WDR17: variants seen among roughly 807,000 people sequenced by gnomAD.
The protein encoded by WDR17 is WD repeat domain 17, also known as WD repeat-containing protein 17.
A neutral mutation model predicts 161.7 loss-of-function variants in WDR17; 143 were observed. The observed-to-expected ratio is 0.88, with a 90% CI of 0.77 to 1.02. The LOEUF is 1.02. Among genes scored for constraint, WDR17 ranks in the 50% least tolerant of loss-of-function variants. The pLI is 0.00. For missense variants in WDR17, 1,469 were observed against 1,520.9 expected (o/e 0.97, Z 0.57); for synonymous variants, 517 against 515.6 (o/e 1.00, Z -0.04).
chr4:176,081,696 A>G lies in WDR17; in HGVS notation c.-7+15617A>G, dbSNP rs543273254. On this transcript the variant is annotated intron_variant, in intron 1 of 28. Coordinates refer to ENST00000508596, the MANE Select transcript of WDR17 (RefSeq NM_181265.4). Reference sequence around the variant, plus strand: ...TTCTTGGCCTTTCCTTCGGGGATGCAAGACAGCTGCTGCAGCGACAGCATC... The same window carrying G: ...TTCTTGGCCTTTCCTTCGGGGATGCGAGACAGCTGCTGCAGCGACAGCATC... 2.0e-5 allele frequency among the ~76,000 whole-genome samples: 3 copies of G among 152,246 alleles called. No homozygotes were observed. The Middle Eastern group carries it at 0.01, about 518-fold the overall frequency.
intron 1 of WDR17, among the ~76,000 whole-genome samples, chr4:176,099,954 T>G (rs1418548951): frequency 6.6e-6 from 1 of 152,210 alleles, no homozygotes; most frequent in Non-Finnish European, 1.5e-5. Context: ...ACTGTGTATA[T>G]ATACCACATT....
rs1740536893 is a variant in WDR17, at chr4:176,115,857, T to C, written c.185T>C (p.Ile62Thr). ...ATTATGTCTGAACATAAAAAAACAA[T>C]CACAGCAATTTCTTGGTGTCCACAT... ...HAIMSEHKKT[I>T]TAISWCPHNP... The change falls in exon 3 of 29, where the codon ATC becomes ACC. Residue 62 changes from isoleucine (I) to threonine (T), a missense_variant. By Grantham distance (89) the Ile-to-Thr change is moderately conservative. Transcript: ENST00000508596. 2 of 1,611,624 alleles carry C rather than the reference T, an allele frequency of 1.2e-6. No individual in the cohort carries two copies. Among genetic ancestry groups the C allele is most frequent in the Non-Finnish European group, 1.7e-6 (2 of 1,178,464 alleles).
rs570241108 is a variant in WDR17, at chr4:176,140,776, C to A, written c.1442+802C>A. 2.0e-5 allele frequency among the ~76,000 whole-genome samples: 3 copies of A among 151,808 alleles called. No homozygotes were observed. In the East Asian group the frequency reaches 5.8e-4, roughly 29 times the overall value. On this transcript the variant is annotated intron_variant, in intron 10 of 28. Coordinates refer to ENST00000508596, the MANE Select transcript of WDR17 (RefSeq NM_181265.4). ...AGTTATGGAAACCAAAGATCCTTAC[C>A]GGGAAGTTAAAATTTTCAGAAACAA... is the stretch of plus-strand genomic sequence containing the variant.
chr4:176,069,447 A>T (rs889109621), intron 1 of WDR17, among the ~76,000 whole-genome samples: 5 of 152,214 alleles, frequency 3.3e-5, no homozygotes, highest in Admixed American at 6.5e-5. Flanking sequence ...ATTTGCTATG[A>T]TAAGGATGAT....
chr4:176,175,687 A>G (rs1184208375), intron 26 of WDR17, among the ~76,000 whole-genome samples: 1 of 147,846 alleles, frequency 6.8e-6, no homozygotes, highest in Non-Finnish European at 1.5e-5. Flanking sequence ...CCTCCCGAGT[A>G]GCTGGGACTA....
Position 176,150,037 on chromosome 4 carries a change from C to T in WDR17, c.2048-6C>T. On this transcript the variant is annotated splice_polypyrimidine_tract_variant and splice_region_variant and intron_variant, in intron 14 of 28. Transcript: ENST00000508596. Reference sequence around the variant, plus strand: ...CTTTTCTCACTGAATTATGTCTGTTCTTCAGATTATGCTATAGAACCAGGC... The same window carrying T: ...CTTTTCTCACTGAATTATGTCTGTTTTTCAGATTATGCTATAGAACCAGGC... 1 of 1,613,146 alleles carries T rather than the reference C, an allele frequency of 6.2e-7. No individual in the cohort carries two copies.
rs1247608667 is a variant in WDR17 at position 176,168,711 on chromosome 4, T to C, written c.3030T>C (p.Asn1010=). 6.2e-7 allele frequency: 1 copy of C among 1,613,696 alleles called. No individual in the cohort carries two copies. The highest frequency in any genetic ancestry group is 1.7e-5 in the Admixed American group (1 of 60,006). ...AADLLLMIPD[N]ELHLIKLCAF... ...ATCTTCTTCTGATGATTCCTGATAA[T>C]GAACTACATTTAATAAAACTCTGTG... The change falls in exon 23 of 29, where the codon AAT becomes AAC. Residue 1010 remains asparagine, a synonymous_variant. Transcript: ENST00000508596.
chr4:176,073,612 A>G (rs1448457899), intron 1 of WDR17, among the ~76,000 whole-genome samples: 1 of 150,920 alleles, frequency 6.6e-6, no homozygotes, highest in East Asian at 1.9e-4. Context: ...TCCTTTGGGT[A>G]TATACCCAGT....
At position 176,174,726 on chromosome 4, in the gene WDR17, A is replaced by G. The variant is rs780093704; in HGVS notation, c.3449+8A>G. The G allele has an allele frequency of 1.1e-5, 18 of 1,584,660 alleles. 1 individual carries two copies. In the Middle Eastern group the frequency reaches 5.0e-4, roughly 44 times the overall value. ...ACTTTATGAGTACACAAGGTAAAAA[A>G]GGTTTTTTCCTCCATCATGACATTA... On this transcript the variant is annotated splice_region_variant and intron_variant, in intron 26 of 28. Coordinates refer to ENST00000508596, the MANE Select transcript of WDR17 (RefSeq NM_181265.4).
At chr4:176,119,362 A>G (rs36071288) in intron 3 of WDR17, among the ~76,000 whole-genome samples, 7,582 of 152,226 alleles carry the variant, frequency 0.05, 275 homozygotes, top group Middle Eastern at 0.095. Flanking sequence ...ATTTGAATCT[A>G]AATTCCTGAT....
At chr4:176,083,175 AT>A (rs756999345) in intron 1 of WDR17, among the ~76,000 whole-genome samples, 87 of 152,066 alleles carry the variant, frequency 5.7e-4, no homozygotes, top group Non-Finnish European at 9.4e-4. Context: ...AATGCAAGTG[AT>A]TTTTTAATGT....
intron 1 of WDR17, among the ~76,000 whole-genome samples, chr4:176,091,965 C>T (rs1393914934): frequency 1.3e-5 from 2 of 152,034 alleles, no homozygotes; most frequent in Non-Finnish European, 2.9e-5. Flanking sequence ...AAAAAGTCTC[C>T]CATCAGGAAA....
intron 17 of WDR17, among the ~76,000 whole-genome samples, chr4:176,154,664 C>T (rs1045561239): frequency 3.9e-5 from 6 of 151,962 alleles, no homozygotes; most frequent in Admixed American, 1.3e-4. Context: ...GAGATTTCCC[C>T]TGAAAACATA....
chr4:176,162,222 T>G (rs73003486), intron 21 of WDR17, 48 bp downstream of exon 21: 12 of 1,543,750 alleles, frequency 7.8e-6, no homozygotes, highest in Non-Finnish European at 8.9e-6. Context: ...TTTTTAGATA[T>G]GTCATGGTGT....
chr4:176,175,452 C>T (rs1751294727), intron 26 of WDR17, among the ~76,000 whole-genome samples: 1 of 152,136 alleles, frequency 6.6e-6, no homozygotes. Context: ...CCATAAAAAC[C>T]TTCTTCCAAG....
chr4:176,113,126 C>T (rs1334507045), intron 2 of WDR17, among the ~76,000 whole-genome samples: 1 of 151,642 alleles, frequency 6.6e-6, no homozygotes, highest in Non-Finnish European at 1.5e-5. Context: ...AGCAAGACTT[C>T]TAAATGCCTG....
At chr4:176,099,688 C>G (rs991341148) in intron 1 of WDR17, among the ~76,000 whole-genome samples, 1 of 152,066 alleles carries the variant, frequency 6.6e-6, no homozygotes, top group African/African-American at 2.4e-5. Context: ...GTATCCATCA[C>G]CTGAATAATG....
intron 17 of WDR17, among the ~76,000 whole-genome samples, chr4:176,154,984 C>T (rs928508538): frequency 1.3e-5 from 2 of 151,692 alleles, no homozygotes; most frequent in Non-Finnish European, 2.9e-5. Flanking sequence ...AATATGAAGA[C>T]AAGTATTATA....
chr4:176,098,658 T>A (rs1423465429), intron 1 of WDR17, among the ~76,000 whole-genome samples: 1 of 152,008 alleles, frequency 6.6e-6, no homozygotes, highest in Admixed American at 6.6e-5. Context: ...AATTATTACA[T>A]ATCTTTTTTA....
Sources: allele counts gnomAD v4.1 joint callset (sites outside exome capture counted in the v4.1 genomes callset), GRCh38; gene constraint gnomAD v4.1.1; transcripts MANE v1.5; gene names NCBI Gene and HGNC (gene_info 2026-07-23, HGNC 2026-07-21).